UBE3A: variants seen among roughly 807,000 people sequenced by gnomAD.
UBE3A encodes ubiquitin protein ligase E3A.
Under a neutral mutation model 83.4 loss-of-function variants are expected in UBE3A, and 6 were observed. The ratio of observed to expected loss-of-function variants is 0.07; its 90% CI spans 0.04 to 0.14. UBE3A has a LOEUF of 0.14. UBE3A is among the 10% of genes least tolerant of loss of function. The probability of loss-of-function intolerance (pLI) is 1.00; values close to 1 mark genes in which losing one functional copy is unlikely to be tolerated. For synonymous variants in UBE3A, 337 were observed against 355.4 expected (o/e 0.95, Z 0.58); for missense variants, 456 against 1,036.1 (o/e 0.44, Z 7.69).
chr15:25,382,505 A>G (rs1462073498), intron 4 of UBE3A, among the ~76,000 whole-genome samples: 1 of 152,018 alleles, frequency 6.6e-6, no homozygotes, highest in South Asian at 2.1e-4. Flanking sequence ...AAAAACCTTA[A>G]ATCAACAAAT....
chr15:25,411,654 T>G (rs980763103), intron 2 of UBE3A, among the ~76,000 whole-genome samples: 11 of 152,186 alleles, frequency 7.2e-5, no homozygotes, highest in African/African-American at 2.7e-4. Context: ...TTAATACTCA[T>G]AGCCCAAAAT....
At chr15:25,436,150 T>C (rs1364076854) in intron 1 of UBE3A, among the ~76,000 whole-genome samples, 1 of 152,188 alleles carries the variant, frequency 6.6e-6, no homozygotes, top group Non-Finnish European at 1.5e-5. Context: ...CATTTGGCAG[T>C]GAGGGGAAAA....
chr15:25,423,550 C>G (rs1321107750), intron 1 of UBE3A, among the ~76,000 whole-genome samples: 1 of 152,102 alleles, frequency 6.6e-6, no homozygotes, highest in African/African-American at 2.4e-5. Flanking sequence ...AGAGTTAATT[C>G]CTAGTTCAGT....
chr15:25,364,385 G>C (rs989070997), intron 6 of UBE3A, among the ~76,000 whole-genome samples: 2 of 151,604 alleles, frequency 1.3e-5, no homozygotes, highest in Non-Finnish European at 2.9e-5. Context: ...TCAATTGTTC[G>C]GTCAATTTAA....
At chr15:25,374,851 T>C (rs948055522) in intron 5 of UBE3A, 1 of 152,892 alleles carries the variant, frequency 6.5e-6, no homozygotes, top group Non-Finnish European at 1.5e-5. Context: ...CTTGGAGTTT[T>C]AGTATTAGCG....
At chr15:25,416,887 G>A (rs1352495247) in intron 1 of UBE3A, among the ~76,000 whole-genome samples, 1 of 152,102 alleles carries the variant, frequency 6.6e-6, no homozygotes, top group African/African-American at 2.4e-5. Flanking sequence ...CCAACCTGCA[G>A]TCAATGGAGG....
intron 4 of UBE3A, among the ~76,000 whole-genome samples, chr15:25,376,045 T>A (rs559156294): frequency 2.0e-4 from 30 of 152,302 alleles, no homozygotes; most frequent in African/African-American, 7.2e-4. Context: ...GGGGCTTGTC[T>A]GATGGTATAT....
chr15:25,335,551 G>C lies in UBE3A; in HGVS notation c.*3586C>G, dbSNP rs1294926778. ...TATAAAGAAGGAAGGAATGATGGGA[G>C]AGGTTTAGGGGGAAAGAAGTGACAA... On this transcript the variant is annotated 3_prime_UTR_variant, in exon 13 of 13. Transcript: ENST00000648336. 2 of 152,084 alleles carry C rather than the reference G, an allele frequency of 1.3e-5. No individual in the cohort carries two copies. The highest frequency in any genetic ancestry group is 2.9e-5 in the Non-Finnish European group (2 of 68,020). 9.4% of individuals were successfully genotyped at this position (152,084 alleles called of 1,614,324 possible).
intron 1 of UBE3A, among the ~76,000 whole-genome samples, chr15:25,424,587 G>A (rs936673927): frequency 6.6e-6 from 1 of 152,074 alleles, no homozygotes; most frequent in African/African-American, 2.4e-5. Context: ...TACACAGTAG[G>A]TGTTCAAGAA....
At chr15:25,361,905 T>G (rs756438328) in intron 6 of UBE3A, among the ~76,000 whole-genome samples, 10 of 152,238 alleles carry the variant, frequency 6.6e-5, no homozygotes, top group Non-Finnish European at 1.3e-4. Context: ...GTAATAATAC[T>G]CATTTGGACA....
chr15:25,434,969 T>TATAC lies in UBE3A; in HGVS notation c.-165+3519_-165+3520insGTAT, dbSNP rs1167502949. On this transcript the variant is annotated intron_variant, in intron 1 of 12. Transcript: ENST00000648336. ...GTAAAAATTTTAAATTCTATATACA[T>TATAC]ACACACACACACACACACACACACA... Among the ~76,000 whole-genome samples, 566 of 142,992 alleles carry TATAC rather than the reference T, an allele frequency of 4.0e-3. 21 individuals are homozygous for TATAC. Among genetic ancestry groups the TATAC allele is most frequent in the Middle Eastern group, 7.0e-3 (2 of 284 alleles). 93.8% of individuals were successfully genotyped at this position (142,992 alleles called of 152,430 possible).
At chr15:25,433,583 G>A (rs1894136826) in intron 1 of UBE3A, among the ~76,000 whole-genome samples, 1 of 152,152 alleles carries the variant, frequency 6.6e-6, no homozygotes, top group African/African-American at 2.4e-5. Context: ...GACAAAAGAA[G>A]GAACGAAGGC....
intron 1 of UBE3A, among the ~76,000 whole-genome samples, chr15:25,428,815 AT>A (rs1235996171): frequency 3.9e-5 from 6 of 152,344 alleles, no homozygotes; most frequent in African/African-American, 1.2e-4. Flanking sequence ...ATACATGGGC[AT>A]ATCCATTTAG....
At chr15:25,425,864 G>A (rs1891167677) in intron 1 of UBE3A, among the ~76,000 whole-genome samples, 1 of 152,190 alleles carries the variant, frequency 6.6e-6, no homozygotes, top group South Asian at 2.1e-4. Context: ...CATGATTTAT[G>A]AGCCTAACCT....
chr15:25,412,106 A>T (rs964907421), intron 1 of UBE3A, 135 bp from the exon 2 acceptor site: 1 of 152,234 alleles, frequency 6.6e-6, no homozygotes, highest in Non-Finnish European at 1.5e-5. Context: ...CGTATCAAGA[A>T]ACAAATTACT....
chr15:25,377,452 T>TA (rs2081400926), intron 4 of UBE3A, among the ~76,000 whole-genome samples: 1 of 152,258 alleles, frequency 6.6e-6, no homozygotes, highest in South Asian at 2.1e-4. Context: ...ACCTGAAAAT[T>TA]AAAAACTGTT....
At chr15:25,343,693 T>C (rs986562212) in intron 11 of UBE3A, among the ~76,000 whole-genome samples, 1 of 151,928 alleles carries the variant, frequency 6.6e-6, no homozygotes, top group Non-Finnish European at 1.5e-5. Context: ...TAAGCAAGGT[T>C]AAAAGACAAA....
intron 11 of UBE3A, chr15:25,347,155 TAGC>T (rs1222649020): frequency 1.3e-5 from 2 of 152,122 alleles, no homozygotes; most frequent in Non-Finnish European, 1.5e-5. Context: ...ATAATGGAAA[TAGC>T]AGAAACATGG....
intron 4 of UBE3A, among the ~76,000 whole-genome samples, chr15:25,405,152 G>A (rs1301341448): frequency 1.4e-5 from 2 of 147,196 alleles, no homozygotes; most frequent in African/African-American, 4.8e-5. Context: ...AAATATGGTA[G>A]GCGTTGAGAC....
Sources: gnomAD v4.1 joint callset for allele counts (sites outside exome capture counted in the v4.1 genomes callset) on GRCh38, gnomAD v4.1.1 for gene constraint, MANE v1.5 for transcripts, NCBI Gene and HGNC (gene_info 2026-07-23, HGNC 2026-07-21) for gene names.